Variants in PRDM16 observed in about 807,000 individuals in gnomAD.
The protein encoded by PRDM16 is histone-lysine N-methyltransferase PRDM16.
In PRDM16, 23 loss-of-function variants were observed where a neutral mutation model predicts 110.6. That is an observed-to-expected ratio of 0.21 (90% CI 0.15 to 0.29). The LOEUF is 0.29. PRDM16 is among the 10% of genes least tolerant of loss of function. The probability of loss-of-function intolerance (pLI) is 1.00; values close to 1 mark genes in which losing one functional copy is unlikely to be tolerated. For synonymous variants in PRDM16, 799 were observed against 781.8 expected (o/e 1.02, Z -0.37); for missense variants, 1,615 against 1,794.3 (o/e 0.90, Z 1.81).
At chr1:3,374,530 T>C (rs560343977) in intron 3 of PRDM16, among the ~76,000 whole-genome samples, 1 of 152,296 alleles carries the variant, frequency 6.6e-6, no homozygotes, top group South Asian at 2.1e-4. Flanking sequence ...AGCAGCCACC[T>C]AGCAGCTGGC....
intron 1 of PRDM16, among the ~76,000 whole-genome samples, chr1:3,159,728 C>G (rs1231651972): frequency 1.3e-5 from 2 of 152,154 alleles, no homozygotes; most frequent in Non-Finnish European, 2.9e-5. Context: ...CGGACACTGT[C>G]CTGGGACACA....
At chr1:3,287,261 C>T in intron 3 of PRDM16, among the ~76,000 whole-genome samples, 1 of 151,140 alleles carries the variant, frequency 6.6e-6, no homozygotes, top group Non-Finnish European at 1.5e-5. Context: ...TTTACCGGGG[C>T]TGGAGGCGCC....
intron 2 of PRDM16, among the ~76,000 whole-genome samples, chr1:3,234,743 C>A (rs1395364654): frequency 2.6e-5 from 4 of 152,234 alleles, no homozygotes; most frequent in Admixed American, 6.5e-5. Context: ...ACAAGGAGAG[C>A]TCCCATTTTC....
At chr1:3,071,799 A>G (rs1402934877) in intron 1 of PRDM16, among the ~76,000 whole-genome samples, 3 of 152,186 alleles carry the variant, frequency 2.0e-5, no homozygotes, top group Non-Finnish European at 1.5e-5. Flanking sequence ...GGCACAGAAC[A>G]GCAACCAGGC....
At position 3,375,121 on chromosome 1, in the gene PRDM16, G is replaced by A. The variant is rs531987068; in HGVS notation, c.439-10031G>A. On this transcript the variant is annotated intron_variant, in intron 3 of 16. Transcript: ENST00000270722. ...CTCCAAAGGGGGGACACCGAGGCAG[G>A]ACCCCAGACAACCCCCACACTGTCA... 2.0e-5 allele frequency among the ~76,000 whole-genome samples: 3 copies of A among 152,316 alleles called. No homozygotes were observed. The South Asian group carries it at 6.2e-4, about 32-fold the overall frequency.
intron 4 of PRDM16, chr1:3,394,517 C>T (rs761957539): frequency 2.3e-6 from 1 of 429,834 alleles, no homozygotes; most frequent in South Asian, 1.6e-5. Context: ...GGTGGTGCGG[C>T]CTGGAGTGGA....
intron 1 of PRDM16, among the ~76,000 whole-genome samples, chr1:3,112,358 G>A (rs2100642060): frequency 6.6e-6 from 1 of 152,330 alleles, no homozygotes; most frequent in Non-Finnish European, 1.5e-5. Context: ...TGGGCCCCGG[G>A]AACCGGCCTC....
intron 12 of PRDM16, among the ~76,000 whole-genome samples, chr1:3,418,950 G>T (rs1337767398): frequency 6.6e-6 from 1 of 152,150 alleles, no homozygotes; most frequent in African/African-American, 2.4e-5. Context: ...GAGGTGCCCA[G>T]GAACCTTCTG....
Position 3,069,452 on chromosome 1 carries a change from G to C in PRDM16, c.37+156G>C, listed in dbSNP as rs967918581. ...GGCCCGGGGGGCTGCTCCGCCTCCC[G>C]CGCTCCGGGGCGACCGGGCTCGGCG... On this transcript the variant is annotated intron_variant, in intron 1 of 16. Coordinates refer to ENST00000270722, the MANE Select transcript of PRDM16 (RefSeq NM_022114.4). This position sits in a 1 kb window ranked among gnomAD's most constrained non-coding sequence, Gnocchi z 6.1. Among the ~76,000 whole-genome samples the C allele has an allele frequency of 7.2e-6, 1 of 139,538 alleles. No individual in the cohort carries two copies. The allele number at this position is 139,538 out of a possible 152,430, so 91.5% of individuals were successfully genotyped here. A position where few individuals can be genotyped will look rare whatever the true frequency, so the allele number is the denominator to read the frequency against.
intron 1 of PRDM16, among the ~76,000 whole-genome samples, chr1:3,076,811 G>C (rs560858883): frequency 2.0e-5 from 3 of 152,162 alleles, no homozygotes; most frequent in Non-Finnish European, 2.9e-5. Context: ...TTAGCCTTCC[G>C]ACTTACCTGG....
At chr1:3,141,030 A>G (rs968320109) in intron 1 of PRDM16, among the ~76,000 whole-genome samples, 3 of 152,116 alleles carry the variant, frequency 2.0e-5, no homozygotes, top group African/African-American at 7.2e-5. Context: ...AACATCACCA[A>G]TGGCAAGAGG....
rs1553161914 is a variant in PRDM16, at chr1:3,314,071, C to CCGGGG, written c.438+69934_438+69935insCGGGG. Among the ~76,000 whole-genome samples, 397 of 100,558 alleles carry CCGGGG rather than the reference C, an allele frequency of 3.9e-3. 25 individuals are homozygous for CCGGGG. Among genetic ancestry groups the CCGGGG allele is most frequent in the East Asian group, 0.036 (94 of 2,610 alleles). 66.0% of individuals were successfully genotyped at this position (100,558 alleles called of 152,430 possible). On this transcript the variant is annotated intron_variant, in intron 3 of 16. Transcript: ENST00000270722. Reference sequence around the variant, plus strand: ...GCCCCCGAATGCCGTCCTTCCCCACCGGGGGGGGGGGCGGGAACATAAAAT... The same window carrying CCGGGG: ...GCCCCCGAATGCCGTCCTTCCCCACCCGGGGGGGGGGGGGGGCGGGAACATAAAAT...
Position 3,426,297 on chromosome 1 carries a change from C to T in PRDM16, c.3284+72C>T. The T allele has an allele frequency of 3.1e-6, 4 of 1,290,616 alleles. 1 individual carries two copies. The South Asian group carries it at 3.9e-5, about 13-fold the overall frequency. 79.9% of individuals were successfully genotyped at this position (1,290,616 alleles called of 1,614,324 possible). On this transcript the variant is annotated intron_variant, in intron 14 of 16. Transcript: ENST00000270722. The stretch of plus-strand genomic sequence containing the variant: ...GCCCTGCGTGGCCACCCTCAGAGGA[C>T]ATGCACCTCCACCCCAGCACCAGCC...
At chr1:3,288,732 C>T (rs1403172124) in intron 3 of PRDM16, among the ~76,000 whole-genome samples, 4 of 152,186 alleles carry the variant, frequency 2.6e-5, no homozygotes, top group Non-Finnish European at 5.9e-5. Context: ...GGCAGCCTCT[C>T]CCTGCAGGAG....
chr1:3,365,560 G>C (rs951452222), intron 3 of PRDM16, among the ~76,000 whole-genome samples: 1 of 152,212 alleles, frequency 6.6e-6, no homozygotes, highest in Non-Finnish European at 1.5e-5. Context: ...CATGGGGTTG[G>C]TGGTGCCCCC....
Position 3,081,566 on chromosome 1 carries a change from C to T in PRDM16, c.37+12270C>T, listed in dbSNP as rs538282257. 6.6e-6 allele frequency among the ~76,000 whole-genome samples: 1 copy of T among 152,228 alleles called. No homozygotes were observed. Among genetic ancestry groups the T allele is most frequent in the Non-Finnish European group, 1.5e-5 (1 of 68,044 alleles). On this transcript the variant is annotated intron_variant, in intron 1 of 16. Coordinates refer to ENST00000270722, the MANE Select transcript of PRDM16 (RefSeq NM_022114.4). The surrounding 1 kb of genome is among the most constrained non-coding windows in gnomAD (Gnocchi z 4.6). Reference sequence around the variant, plus strand: ...GAGTATAGGCTACTGCTTGGCATCACCTACAGGGATGGCGGCGGCCAGGGT... The same window carrying T: ...GAGTATAGGCTACTGCTTGGCATCATCTACAGGGATGGCGGCGGCCAGGGT...
At chr1:3,410,189 G>T (rs1427141856) in intron 8 of PRDM16, among the ~76,000 whole-genome samples, 1 of 151,646 alleles carries the variant, frequency 6.6e-6, no homozygotes, top group Non-Finnish European at 1.5e-5. Context: ...ATGTGTGTGT[G>T]TTCCTCCCTT....
intron 1 of PRDM16, among the ~76,000 whole-genome samples, chr1:3,090,891 G>C (rs1642261267): frequency 6.6e-6 from 1 of 152,188 alleles, no homozygotes. Flanking sequence ...AGAATCTCCA[G>C]GACCTGCTTC....
chr1:3,146,290 A>G (rs1643651253), intron 1 of PRDM16, among the ~76,000 whole-genome samples: 2 of 152,264 alleles, frequency 1.3e-5, no homozygotes, highest in Admixed American at 1.3e-4. Context: ...CCCCGCTAAC[A>G]GCCACATTCT....
Sources: gnomAD v4.1 joint callset for allele counts (sites outside exome capture counted in the v4.1 genomes callset) on GRCh38, gnomAD v4.1.1 for gene constraint, Gnocchi (gnomAD v3.1) non-coding constraint, MANE v1.5 for transcripts, NCBI Gene and HGNC (gene_info 2026-07-23, HGNC 2026-07-21) for gene names.